PDE8A: variants seen among roughly 807,000 people sequenced by gnomAD.
The protein encoded by PDE8A is phosphodiesterase 8A.
In PDE8A, 59 loss-of-function variants were observed where a neutral mutation model predicts 105.0. That is an observed-to-expected ratio of 0.56 (90% confidence interval 0.46 to 0.70). The LOEUF (loss-of-function observed/expected upper bound fraction) is 0.70, where lower values mean the gene tolerates loss of function less well. Among genes scored for constraint, PDE8A ranks in the 30% least tolerant of loss-of-function variants. The pLI, the probability that PDE8A is intolerant of heterozygous loss-of-function variation, is 0.00. For synonymous variants in PDE8A, 355 were observed against 371.9 expected, an observed-to-expected ratio of 0.95 and a Z score of 0.52; for missense variants, 1,014 against 1,045.9, an observed-to-expected ratio of 0.97 and a Z score of 0.42.
At chr15:85,136,142 G>A (rs980164196) in intron 20 of PDE8A, among the ~76,000 whole-genome samples, 3 of 152,180 alleles carry the variant, frequency 2.0e-5, no homozygotes, top group Non-Finnish European at 2.9e-5. Flanking sequence ...CTAAGTAATC[G>A]CCTGCTCTGT....
At chr15:85,084,082 A>G (rs970718684) in intron 6 of PDE8A, among the ~76,000 whole-genome samples, 1 of 151,456 alleles carries the variant, frequency 6.6e-6, no homozygotes, top group Non-Finnish European at 1.5e-5. Context: ...TGACATGAGT[A>G]GAGGCCTCAT....
intron 3 of PDE8A, among the ~76,000 whole-genome samples, chr15:85,075,209 C>G (rs916352461): frequency 1.3e-5 from 2 of 152,194 alleles, no homozygotes; most frequent in African/African-American, 4.8e-5. Context: ...TGAATTTACT[C>G]TGTATGGGAA....
In PDE8A at chr15:85,067,011, C is replaced by T; in HGVS notation, c.244-3C>T. ...AAAAAGTGTTTGTGCTCTTTTGATT[C>T]AGGTACTTTTAGTGTTTACCAAAGA... On this transcript the variant is annotated splice_region_variant and splice_polypyrimidine_tract_variant and intron_variant, in intron 2 of 21. Transcript: ENST00000394553. 6.4e-7 allele frequency: 1 copy of T among 1,574,180 alleles called. No individual in the cohort carries two copies. Among genetic ancestry groups the T allele is most frequent in the Non-Finnish European group, 8.6e-7 (1 of 1,159,558 alleles).
At chr15:84,999,121 C>CTTTTT (rs35710429) in intron 1 of PDE8A, among the ~76,000 whole-genome samples, 2 of 131,508 alleles carry the variant, frequency 1.5e-5, no homozygotes, top group Admixed American at 8.0e-5. Flanking sequence ...AGGTCACATT[C>CTTTTT]TTTTTTTTTT....
At chr15:85,036,094 A>G (rs1237111555) in intron 1 of PDE8A, among the ~76,000 whole-genome samples, 2 of 152,214 alleles carry the variant, frequency 1.3e-5, no homozygotes, top group Non-Finnish European at 2.9e-5. Context: ...AAACAGGAAT[A>G]TCACCCTTGG....
intron 21 of PDE8A, among the ~76,000 whole-genome samples, 197 bp from the exon 22 acceptor site, chr15:85,137,600 G>GTCACAGTTACCAGCTCAGC (rs2082432524): frequency 6.6e-6 from 1 of 152,186 alleles, no homozygotes; most frequent in Non-Finnish European, 1.5e-5. Context: ...GGTCACAGAG[G>GTCACAGTTACCAGCTCAGC]AGGTGCTGGC....
intron 20 of PDE8A, among the ~76,000 whole-genome samples, chr15:85,135,800 GTC>G (rs1444366615): frequency 6.6e-6 from 1 of 152,000 alleles, no homozygotes; most frequent in East Asian, 1.9e-4. Context: ...TTTTTTGCGA[GTC>G]TCTCTGAAAT....
chr15:85,091,262 T>C (rs2081638788), intron 8 of PDE8A, 81 bp downstream of exon 8: 2 of 1,201,646 alleles, frequency 1.7e-6, no homozygotes, highest in Non-Finnish European at 1.2e-6. Context: ...TACTACCAGG[T>C]AATCTTAATC....
At chr15:85,004,093 T>C (rs1185847602) in intron 1 of PDE8A, among the ~76,000 whole-genome samples, 1 of 152,206 alleles carries the variant, frequency 6.6e-6, no homozygotes, top group Non-Finnish European at 1.5e-5. Flanking sequence ...GATCTAGCTG[T>C]GTGCCCAATA....
intron 11 of PDE8A, among the ~76,000 whole-genome samples, chr15:85,105,171 G>A (rs1596524362): frequency 6.6e-6 from 1 of 152,194 alleles, no homozygotes; most frequent in East Asian, 1.9e-4. Flanking sequence ...GTTCTCATGG[G>A]CTACCAGGGT....
chr15:85,025,292 C>T (rs866351187), intron 1 of PDE8A, among the ~76,000 whole-genome samples: 4 of 152,086 alleles, frequency 2.6e-5, no homozygotes, highest in Non-Finnish European at 5.9e-5. Context: ...AAGCCAGTTC[C>T]CTGAAGTGAC....
upstream of PDE8A, among the ~76,000 whole-genome samples, chr15:84,981,734 G>T (rs2142128724): frequency 6.6e-6 from 1 of 151,382 alleles, no homozygotes; most frequent in South Asian, 2.1e-4. Context: ...GCGCGGCCGG[G>T]AGCTCGCCTC....
chr15:85,136,427 C>A, intron 20 of PDE8A, 107 bp from the exon 21 acceptor site: 2 of 1,216,038 alleles, frequency 1.6e-6, no homozygotes, highest in Non-Finnish European at 2.3e-6. Flanking sequence ...CTCACCATGA[C>A]AAGCCACCTT....
chr15:84,997,485 C>T (rs1436803657), intron 1 of PDE8A, among the ~76,000 whole-genome samples: 8 of 152,092 alleles, frequency 5.3e-5, no homozygotes, highest in Non-Finnish European at 1.0e-4. Flanking sequence ...TATGAGCCAA[C>T]GCACCCAGCC....
At chr15:85,052,269 G>A (rs563432833) in intron 1 of PDE8A, among the ~76,000 whole-genome samples, 27 of 152,292 alleles carry the variant, frequency 1.8e-4, no homozygotes, top group African/African-American at 6.0e-4. Flanking sequence ...TGTGAATAGC[G>A]CCGCAATAAA....
intron 1 of PDE8A, among the ~76,000 whole-genome samples, chr15:84,999,772 C>T (rs1049295242): frequency 6.6e-6 from 1 of 151,936 alleles, no homozygotes; most frequent in Non-Finnish European, 1.5e-5. Context: ...GACGGGCTTT[C>T]ACCATGTTAG....
intron 9 of PDE8A, 169 bp from the exon 10 acceptor site, chr15:85,099,846 G>A (rs1317914799): frequency 1.6e-6 from 1 of 621,000 alleles, no homozygotes; most frequent in Non-Finnish European, 2.8e-6. Context: ...AAGGATGTTT[G>A]TGATCTCTTC....
intron 20 of PDE8A, among the ~76,000 whole-genome samples, chr15:85,132,296 C>CTCT (rs2082340745): frequency 6.6e-6 from 1 of 152,052 alleles, no homozygotes; most frequent in Non-Finnish European, 1.5e-5. Flanking sequence ...CTCTGTCCTT[C>CTCT]TCTTCTCCTC....
chr15:85,082,980 C>A (rs532091267), intron 5 of PDE8A, among the ~76,000 whole-genome samples: 1 of 152,360 alleles, frequency 6.6e-6, no homozygotes, highest in African/African-American at 2.4e-5. Flanking sequence ...CAAATCCATC[C>A]ATGGCTTCTG....
Sources: allele counts gnomAD v4.1 joint callset (sites outside exome capture counted in the v4.1 genomes callset), GRCh38; gene constraint gnomAD v4.1.1; transcripts MANE v1.5; gene names NCBI Gene and HGNC (gene_info 2026-07-23, HGNC 2026-07-21).